The following RICTOR variants were observed in gnomAD, a reference collection of about 807,000 sequenced individuals.
RICTOR encodes the protein RPTOR independent companion of MTOR complex 2.
A neutral mutation model predicts 214.9 loss-of-function variants in RICTOR; 49 were observed. That is an observed-to-expected ratio of 0.23 (90% confidence interval 0.18 to 0.29). The LOEUF (loss-of-function observed/expected upper bound fraction) is 0.29. Among genes scored for constraint, RICTOR ranks in the 10% least tolerant of loss-of-function variants. The pLI, the probability that RICTOR is intolerant of heterozygous loss-of-function variation, is 1.00. For synonymous variants in RICTOR, 717 were observed against 711.3 expected, an observed-to-expected ratio of 1.01 and a Z score of -0.13; for missense variants, 1,625 against 2,047.0, an observed-to-expected ratio of 0.79 and a Z score of 3.98.
intron 30 of RICTOR, among the ~76,000 whole-genome samples, chr5:38,951,561 T>C (rs889063129): frequency 2.6e-5 from 4 of 151,980 alleles, no homozygotes; most frequent in Non-Finnish European, 4.4e-5. Context: ...TCTTTTGTGG[T>C]ACATAAAATA....
chr5:39,002,734 CAAATTATTCCTCAGCCAAAATATGCAA>C (rs1215550658), intron 4 of RICTOR, 68 bp from the exon 5 acceptor site: 3 of 1,467,204 alleles, frequency 2.0e-6, no homozygotes, highest in Non-Finnish European at 2.8e-6. Flanking sequence ...ATTATATTAC[CAAATTATTCCTCAGCCAAAATATGCAA>C]AAATTCTAGT....
intron 7 of RICTOR, among the ~76,000 whole-genome samples, chr5:38,984,808 T>C (rs1752026338): frequency 1.3e-5 from 2 of 151,994 alleles, no homozygotes; most frequent in Non-Finnish European, 2.9e-5. Flanking sequence ...TTTTAAAATA[T>C]GTTGTTGTTG....
At chr5:38,971,196 T>C (rs1750752298) in intron 11 of RICTOR, 1 of 151,790 alleles carries the variant, frequency 6.6e-6, no homozygotes, top group African/African-American at 2.4e-5. Context: ...CTGGCTAACT[T>C]TTTGTATTTT....
chr5:38,967,166 A>G lies in RICTOR; in HGVS notation c.1213T>C (p.Leu405=). 1 of 1,603,980 alleles carries G rather than the reference A, an allele frequency of 6.2e-7. No individual in the cohort carries two copies. Among genetic ancestry groups the G allele is most frequent in the Non-Finnish European group, 8.5e-7 (1 of 1,170,882 alleles). Residue 405 remains leucine (L), a synonymous_variant, in exon 14 of 38, where the codon TTA becomes CTA. Transcript: ENST00000357387. ...ILSAFIRNGL[L]EGLVEVITNS... ...ATAAGGTTTATAAGTCTTACCTCTA[A>G]AAGTCCATTACGAATAAATGCAGAG...
chr5:38,984,827 G>T (rs953200017), intron 7 of RICTOR, among the ~76,000 whole-genome samples: 4 of 151,956 alleles, frequency 2.6e-5, no homozygotes, highest in Non-Finnish European at 2.9e-5. Context: ...TGTTGGTGGT[G>T]GTGGTGTTTT....
At chr5:38,944,639 T>C in intron 35 of RICTOR, 70 bp from the exon 36 acceptor site, 1 of 1,362,996 alleles carries the variant, frequency 7.3e-7, no homozygotes. Context: ...TCATGAAATT[T>C]ATTTTTAAAC....
At chr5:39,044,479 T>C (rs965344289) in intron 2 of RICTOR, among the ~76,000 whole-genome samples, 1 of 152,068 alleles carries the variant, frequency 6.6e-6, no homozygotes, top group Non-Finnish European at 1.5e-5. Flanking sequence ...GTAGTTATAA[T>C]AATGATAGTT....
chr5:39,027,818 G>A (rs1755950868), intron 2 of RICTOR, among the ~76,000 whole-genome samples: 4 of 152,104 alleles, frequency 2.6e-5, no homozygotes, highest in Admixed American at 2.6e-4. Context: ...TCTGACATAA[G>A]TATCTAATCC....
At chr5:38,954,172 C>T (rs1406673270) in intron 27 of RICTOR, among the ~76,000 whole-genome samples, 1 of 151,782 alleles carries the variant, frequency 6.6e-6, no homozygotes, top group Non-Finnish European at 1.5e-5. Flanking sequence ...TGTTCTGTCA[C>T]AAAAACAAAT....
At chr5:38,975,698 T>G in intron 9 of RICTOR, 94 bp from the exon 10 acceptor site, 3 of 874,154 alleles carry the variant, frequency 3.4e-6, no homozygotes, top group Non-Finnish European at 5.7e-6. Context: ...GAGCTATCAC[T>G]AATGTTTAAA....
At chr5:39,069,827 C>T (rs1759179414) in intron 2 of RICTOR, among the ~76,000 whole-genome samples, 1 of 152,182 alleles carries the variant, frequency 6.6e-6, no homozygotes, top group Non-Finnish European at 1.5e-5. Context: ...CACATATTTC[C>T]TTCCACTATG....
At chr5:38,967,504 A>T (rs372830930) in intron 12 of RICTOR, 77 bp from the exon 13 acceptor site, 8 of 1,092,760 alleles carry the variant, frequency 7.3e-6, no homozygotes, top group African/African-American at 4.8e-5. Context: ...ACCATCAGCT[A>T]GCCAGGCTAT....
At chr5:39,073,818 C>G (rs1312773011) in intron 2 of RICTOR, among the ~76,000 whole-genome samples, 2 of 152,156 alleles carry the variant, frequency 1.3e-5, no homozygotes, top group East Asian at 3.9e-4. Context: ...TGCCGGAGCT[C>G]GAGCCCAGAG....
chr5:38,945,108 C>A (rs200042169), intron 34 of RICTOR, 40 bp from the exon 35 acceptor site: 23 of 1,390,376 alleles, frequency 1.7e-5, no homozygotes, highest in Non-Finnish European at 2.1e-5. Flanking sequence ...AGCACCATAA[C>A]GGCTTAATTC....
chr5:39,062,585 T>G (rs1758623333), intron 2 of RICTOR, among the ~76,000 whole-genome samples: 1 of 152,080 alleles, frequency 6.6e-6, no homozygotes, highest in African/African-American at 2.4e-5. Flanking sequence ...AAGATGTGAT[T>G]TTTTGAAGTA....
chr5:39,021,044 TA>T lies in RICTOR; in HGVS notation c.189del (p.Phe63LeufsTer23). 6.7e-7 allele frequency: 1 copy of T among 1,499,710 alleles called. No homozygotes were observed. The highest frequency in any genetic ancestry group is 9.3e-7 in the Non-Finnish European group (1 of 1,075,606). 92.9% of individuals were successfully genotyped at this position (1,499,710 alleles called of 1,614,324 possible). On this transcript the variant is annotated frameshift_variant, in exon 3 of 38. Transcript: ENST00000357387. LOFTEE classifies it high-confidence loss of function. The stretch of plus-strand genomic sequence containing the variant: ...TAAAAATTCAAGTTACTTACCTTAG[TA>T]AAGTTATTCAGATGGCCTAGCTTTC... ...NMRKLGHLNNFTKLLCDIGHS... is the reference protein window; with the variant it reads ...NMRKLGHLNNXTKLLCDIGHS...
At chr5:39,015,651 C>CAGCA (rs934180940) in intron 3 of RICTOR, among the ~76,000 whole-genome samples, 1 of 151,850 alleles carries the variant, frequency 6.6e-6, no homozygotes. Flanking sequence ...TTAGTAATGC[C>CAGCA]AGCATTGAAG....
intron 7 of RICTOR, among the ~76,000 whole-genome samples, chr5:38,988,050 A>T (rs1450093946): frequency 6.6e-6 from 1 of 152,140 alleles, no homozygotes; most frequent in Non-Finnish European, 1.5e-5. Flanking sequence ...TCCTAATTTG[A>T]TTGAACTGTA....
intron 5 of RICTOR, 27 bp from the exon 6 acceptor site, chr5:38,996,909 T>C (rs367567437): frequency 6.5e-6 from 10 of 1,540,570 alleles, no homozygotes; most frequent in African/African-American, 2.7e-5. Flanking sequence ...ATATTAATCA[T>C]TGATAAAATT....
Sources: gnomAD v4.1 joint callset for allele counts (sites outside exome capture counted in the v4.1 genomes callset) on GRCh38, gnomAD v4.1.1 for gene constraint, MANE v1.5 for transcripts, NCBI Gene and HGNC (gene_info 2026-07-23, HGNC 2026-07-21) for gene names.